The following ZSCAN5A variants were observed in gnomAD, a reference collection of about 807,000 sequenced individuals.
The protein encoded by ZSCAN5A is zinc finger and SCAN domain containing 5A, also known as zinc finger and SCAN domain-containing protein 5A.
In ZSCAN5A, 12 loss-of-function variants were observed where a neutral mutation model predicts 23.7. That is an observed-to-expected ratio of 0.51 (90% CI 0.32 to 0.82). The LOEUF (loss-of-function observed/expected upper bound fraction) is 0.82, where lower values mean the gene tolerates loss of function less well. Among genes scored for constraint, ZSCAN5A ranks in the 40% least tolerant of loss-of-function variants. The pLI is 0.03. For missense variants in ZSCAN5A, 597 were observed against 617.9 expected, an observed-to-expected ratio of 0.97 and a Z score of 0.36; for synonymous variants, 257 against 239.9, an observed-to-expected ratio of 1.07 and a Z score of -0.66.
chr19:56,222,462 G>C (rs1473183537), intron 5 of ZSCAN5A, 129 bp downstream of exon 5: 2 of 1,548,608 alleles, frequency 1.3e-6, no homozygotes, highest in Non-Finnish European at 1.7e-6. Flanking sequence ...TAGGTCTCTG[G>C]AAAGTAGAGG....
chr19:56,289,077 A>C (rs1007365150), intron 2 of ZSCAN5A, among the ~76,000 whole-genome samples: 2 of 152,250 alleles, frequency 1.3e-5, no homozygotes, highest in South Asian at 2.1e-4. Flanking sequence ...TGTGCTGGTA[A>C]ATGTCTAACA....
intron 2 of ZSCAN5A, among the ~76,000 whole-genome samples, chr19:56,307,316 T>G (rs2040756811): frequency 6.6e-6 from 1 of 152,186 alleles, no homozygotes; most frequent in Admixed American, 6.5e-5. Flanking sequence ...CACCCCCTGC[T>G]GCAGTCCTGC....
intron 2 of ZSCAN5A, chr19:56,228,384 A>C: frequency 1.0e-6 from 1 of 985,308 alleles, no homozygotes; most frequent in Non-Finnish European, 1.2e-6. Context: ...CCGCCCCGTG[A>C]TTGGTTTAGG....
chr19:56,222,873 C>T (rs1292386762), intron 4 of ZSCAN5A, 132 bp from the exon 5 acceptor site: 6 of 1,207,006 alleles, frequency 5.0e-6, no homozygotes, highest in Non-Finnish European at 7.1e-6. Context: ...CAGACTTCCC[C>T]TGGACCACCC....
At chr19:56,239,944 A>AC (rs1428463988) in intron 2 of ZSCAN5A, among the ~76,000 whole-genome samples, 14 of 152,244 alleles carry the variant, frequency 9.2e-5, no homozygotes, top group African/African-American at 3.4e-4. Context: ...TGGGCAGATC[A>AC]CTAGGTCAGG....
intron 2 of ZSCAN5A, chr19:56,321,854 TG>T: frequency 1.2e-6 from 1 of 851,416 alleles, no homozygotes; most frequent in African/African-American, 1.7e-5. Flanking sequence ...AGCTGATAAA[TG>T]GGGAGAAATT....
At chr19:56,301,119 A>G (rs1353134949) in intron 2 of ZSCAN5A, among the ~76,000 whole-genome samples, 5 of 152,306 alleles carry the variant, frequency 3.3e-5, no homozygotes, top group Admixed American at 2.6e-4. Context: ...ATCTCGTGCA[A>G]GAAAGAATTT....
rs117677216 is a variant in ZSCAN5A at position 56,333,222 on chromosome 19, G to C, written c.-357-16954C>G. 2.7e-3 allele frequency among the ~76,000 whole-genome samples: 415 copies of C among 151,942 alleles called. 4 individuals carry two copies. Among genetic ancestry groups the C allele is most frequent in the Non-Finnish European group, 5.3e-3 (357 of 67,966 alleles). ...TCTACCTCTCCAGCAAGATTAGGGAGATTTTCTTAAATTATTCTCTCAAAT... is the reference window on the plus strand; with the variant it reads ...TCTACCTCTCCAGCAAGATTAGGGACATTTTCTTAAATTATTCTCTCAAAT... On this transcript the variant is annotated intron_variant, in intron 2 of 6. Transcript: ENST00000587340.
In ZSCAN5A at chr19:56,351,573, A is replaced by G. The variant is rs2147459995; in HGVS notation, c.-358+11662T>C. 6.6e-6 allele frequency among the ~76,000 whole-genome samples: 1 copy of G among 152,210 alleles called. No individual in the cohort carries two copies. Among genetic ancestry groups the G allele is most frequent in the East Asian group, 1.9e-4 (1 of 5,168 alleles). ...CTCTGTTCCTTTCCCATGTCTCAGTACGGGGGAGCTGTTCTCTTCTTTCTT... is the reference window on the plus strand; with the variant it reads ...CTCTGTTCCTTTCCCATGTCTCAGTGCGGGGGAGCTGTTCTCTTCTTTCTT... On this transcript the variant is annotated intron_variant, in intron 2 of 6. Coordinates refer to the ZSCAN5A transcript ENST00000587340. The surrounding 1 kb of genome is among the most constrained non-coding windows in gnomAD (Gnocchi z 4.8).
At chr19:56,271,696 G>A (rs2037861692) in intron 2 of ZSCAN5A, among the ~76,000 whole-genome samples, 1 of 152,176 alleles carries the variant, frequency 6.6e-6, no homozygotes, top group Non-Finnish European at 1.5e-5. Flanking sequence ...TCCCCTGCAA[G>A]AGTGGACATC....
At chr19:56,304,887 T>A (rs1292732519) in intron 2 of ZSCAN5A, 1 of 744,652 alleles carries the variant, frequency 1.3e-6, no homozygotes, top group Non-Finnish European at 1.6e-6. Flanking sequence ...TTAGGGGAGG[T>A]TCATCCCAAC....
At chr19:56,250,207 C>A (rs901249198) in intron 2 of ZSCAN5A, among the ~76,000 whole-genome samples, 1 of 152,150 alleles carries the variant, frequency 6.6e-6, no homozygotes, top group African/African-American at 2.4e-5. Context: ...AAGACCTGCT[C>A]AAGAGCGACT....
At chr19:56,356,563 C>T (rs372885873) in intron 2 of ZSCAN5A, among the ~76,000 whole-genome samples, 2 of 147,486 alleles carry the variant, frequency 1.4e-5, no homozygotes, top group Non-Finnish European at 1.5e-5. Flanking sequence ...GGGGTGGGGA[C>T]GGGGGCGCTA....
intron 2 of ZSCAN5A, among the ~76,000 whole-genome samples, chr19:56,344,133 A>C (rs1380125772): frequency 5.9e-5 from 9 of 152,180 alleles, no homozygotes. Flanking sequence ...TCTAACCTCC[A>C]CACTGTCCTT....
intron 2 of ZSCAN5A, among the ~76,000 whole-genome samples, chr19:56,227,501 C>G (rs2034063014): frequency 2.0e-5 from 3 of 152,024 alleles, no homozygotes; most frequent in South Asian, 4.1e-4. Flanking sequence ...GATCCTGTCT[C>G]TAAAAAAGAA....
chr19:56,242,928 G>A (rs1263789862), intron 2 of ZSCAN5A, among the ~76,000 whole-genome samples: 1 of 152,096 alleles, frequency 6.6e-6, no homozygotes, highest in African/African-American at 2.4e-5. Flanking sequence ...ACAGGCACGT[G>A]CCACCATGCC....
intron 2 of ZSCAN5A, among the ~76,000 whole-genome samples, chr19:56,252,048 G>A (rs1334657908): frequency 6.6e-6 from 1 of 152,142 alleles, no homozygotes; most frequent in Non-Finnish European, 1.5e-5. Context: ...AAAGAAAAAA[G>A]AATTCTGAAG....
chr19:56,264,486 G>C (rs1299303298), intron 2 of ZSCAN5A, among the ~76,000 whole-genome samples: 1 of 152,196 alleles, frequency 6.6e-6, no homozygotes, highest in Admixed American at 6.5e-5. Flanking sequence ...TGTTATGGAA[G>C]TGACATCAGA....
intron 2 of ZSCAN5A, among the ~76,000 whole-genome samples, chr19:56,311,455 C>T (rs1487643269): frequency 6.6e-6 from 1 of 152,152 alleles, no homozygotes; most frequent in Non-Finnish European, 1.5e-5. Context: ...ACTCAACTAG[C>T]TCTGGGTAGT....
Sources: gnomAD v4.1 joint callset for allele counts (sites outside exome capture counted in the v4.1 genomes callset) on GRCh38, gnomAD v4.1.1 for gene constraint, Gnocchi (gnomAD v3.1) non-coding constraint, MANE v1.5 for transcripts, NCBI Gene and HGNC (gene_info 2026-07-23, HGNC 2026-07-21) for gene names.